Variants in PRKAR1B observed in about 807,000 individuals in gnomAD.
The protein encoded by PRKAR1B is cAMP-dependent protein kinase type I-beta regulatory subunit.
PRKAR1B carries 22 observed loss-of-function variants against 46.5 expected under a neutral mutation model. The ratio of observed to expected loss-of-function variants is 0.47; its 90% confidence interval spans 0.34 to 0.68. PRKAR1B has a LOEUF of 0.68. PRKAR1B is among the 30% of genes least tolerant of loss of function. The pLI is 0.01. For synonymous variants in PRKAR1B, 259 were observed against 217.7 expected (o/e 1.19, Z -1.67); for missense variants, 445 against 535.6 (o/e 0.83, Z 1.67).
chr7:624,080 T>G (rs540747154), intron 4 of PRKAR1B, among the ~76,000 whole-genome samples: 1 of 152,278 alleles, frequency 6.6e-6, no homozygotes, highest in South Asian at 2.1e-4. Flanking sequence ...CAGAATCCAC[T>G]TTGGATGAAG....
At position 725,721 on chromosome 7, in the gene PRKAR1B, T is replaced by C. The variant is rs187157542; in HGVS notation, c.-23+1489A>G. Among the ~76,000 whole-genome samples, 914 of 152,334 alleles carry C rather than the reference T, an allele frequency of 6.0e-3. 3 individuals carry two copies. The highest frequency in any genetic ancestry group is 9.3e-3 in the Non-Finnish European group (635 of 68,030). On this transcript the variant is annotated intron_variant, in intron 1 of 10. Transcript: ENST00000537384. ...AGATTAGAAATTGTGGTTTGAGTCA[T>C]GCAGCTAGAGGCCACAAGATTCCAA...
In PRKAR1B at chr7:551,415, C is replaced by T. The variant is rs866388676; in HGVS notation, c.947G>A (p.Gly316Glu). The T allele has an allele frequency of 1.3e-6, 2 of 1,559,850 alleles. No individual in the cohort carries two copies. Among genetic ancestry groups the T allele is most frequent in the Admixed American group, 1.9e-5 (1 of 51,552 alleles). Residue 316 changes from glycine to glutamate, a missense_variant, in exon 10 of 11, where the codon GGG becomes GAG. By Grantham distance (98) the Gly-to-Glu change is moderately conservative (BLOSUM62 -2). Transcript: ENST00000537384. ...RSPNEEYVEVGRLGPSDYFGE... is the reference protein window; with the variant it reads ...RSPNEEYVEVERLGPSDYFGE... ...GAAGTAGTCAGAGGGTCCCAGGCGCCCCACCTCCACGTACTCCTCATTGGG... is the reference window on the plus strand; with the variant it reads ...GAAGTAGTCAGAGGGTCCCAGGCGCTCCACCTCCACGTACTCCTCATTGGG...
At chr7:608,334 G>A (rs2128465920) in intron 4 of PRKAR1B, 1 of 152,268 alleles carries the variant, frequency 6.6e-6, no homozygotes, top group East Asian at 1.9e-4. Flanking sequence ...ACTTAAAAAG[G>A]AGATTCTTGG....
At chr7:698,924 T>C (rs1048081452) in intron 2 of PRKAR1B, among the ~76,000 whole-genome samples, 1 of 152,168 alleles carries the variant, frequency 6.6e-6, no homozygotes, top group Non-Finnish European at 1.5e-5. Context: ...CAGCAGCAGC[T>C]GGTGATTCAG....
chr7:726,713 C>G (rs952340129), intron 1 of PRKAR1B: 1 of 1,238,562 alleles, frequency 8.1e-7, no homozygotes, highest in East Asian at 3.2e-5. Context: ...ACCGGCGACG[C>G]GGGCAAGATG....
intron 9 of PRKAR1B, among the ~76,000 whole-genome samples, chr7:567,561 T>G (rs904472419): frequency 8.0e-6 from 1 of 124,668 alleles, no homozygotes; most frequent in African/African-American, 2.7e-5. Context: ...CACCATCACC[T>G]TCATCACCAT....
intron 4 of PRKAR1B, among the ~76,000 whole-genome samples, chr7:614,390 C>T: frequency 6.6e-6 from 1 of 152,228 alleles, no homozygotes. Flanking sequence ...TACATCCCCT[C>T]CTCTGAACTT....
At chr7:643,684 T>C (rs1046833144) in intron 4 of PRKAR1B, among the ~76,000 whole-genome samples, 27 of 151,148 alleles carry the variant, frequency 1.8e-4, no homozygotes, top group East Asian at 3.9e-4. Flanking sequence ...ATTGCGCCAC[T>C]GCACTCCAGC....
chr7:675,878 G>A (rs911345687), intron 4 of PRKAR1B, among the ~76,000 whole-genome samples: 6 of 152,108 alleles, frequency 3.9e-5, no homozygotes, highest in Admixed American at 6.6e-5. Context: ...CCCAGGTGGC[G>A]GAGGTTGAAG....
intron 9 of PRKAR1B, among the ~76,000 whole-genome samples, chr7:557,646 C>T (rs557117574): frequency 8.3e-4 from 126 of 152,264 alleles, no homozygotes; most frequent in Non-Finnish European, 1.5e-3. Context: ...CATGGGCGGC[C>T]GCCGCAACCA....
chr7:634,899 CAA>C (rs2128481213), intron 4 of PRKAR1B, among the ~76,000 whole-genome samples: 1 of 152,258 alleles, frequency 6.6e-6, no homozygotes, highest in South Asian at 2.1e-4. Context: ...CTCAGCCTCC[CAA>C]AGTGCTGGGA....
intron 4 of PRKAR1B, among the ~76,000 whole-genome samples, chr7:645,968 G>A (rs1784600645): frequency 6.6e-6 from 1 of 152,192 alleles, no homozygotes; most frequent in Non-Finnish European, 1.5e-5. Context: ...GTCCAAGTGT[G>A]CACCTGACCC....
Position 677,225 on chromosome 7 carries a change from C to G in PRKAR1B, c.440+4G>C, listed in dbSNP as rs755061485. ...ATGCCGGGGCAGGGGACGAGTCTGC[C>G]TACCTCCTCTCGTTGTCATCCAGGT... On this transcript the variant is annotated splice_donor_region_variant and intron_variant, in intron 4 of 10. Coordinates refer to ENST00000537384, the MANE Select transcript of PRKAR1B (RefSeq NM_001164760.2). The G allele has an allele frequency of 1.9e-6, 3 of 1,614,158 alleles. No individual in the cohort carries two copies. The East Asian group carries it at 6.7e-5, about 36-fold the overall frequency.
At position 666,720 on chromosome 7, in the gene PRKAR1B, G is replaced by A. The variant is rs533184928; in HGVS notation, c.440+10509C>T. 4.6e-5 allele frequency among the ~76,000 whole-genome samples: 7 copies of A among 152,340 alleles called. No individual in the cohort carries two copies. In the South Asian group the frequency reaches 1.0e-3, roughly 23 times the overall value. ...CTGTGGGTGCTGGGAGGCCCGGAGC[G>A]GCCTATTCACCAACTCAGGCCCAGG... On this transcript the variant is annotated intron_variant, in intron 4 of 10. Transcript: ENST00000537384. This position sits in a 1 kb window ranked among gnomAD's most constrained non-coding sequence, Gnocchi z 4.9.
At chr7:615,556 G>A (rs1782756349) in intron 4 of PRKAR1B, among the ~76,000 whole-genome samples, 1 of 151,572 alleles carries the variant, frequency 6.6e-6, no homozygotes, top group African/African-American at 2.4e-5. Flanking sequence ...AAAGAAAGAA[G>A]GCCGGGTGCG....
intron 4 of PRKAR1B, among the ~76,000 whole-genome samples, chr7:645,632 G>T (rs2128487224): frequency 6.6e-6 from 1 of 152,262 alleles, no homozygotes; most frequent in South Asian, 2.1e-4. Flanking sequence ...CTGTTTCTCT[G>T]AAGCTGTTCA....
At chr7:659,650 C>G (rs1427365694) in intron 4 of PRKAR1B, among the ~76,000 whole-genome samples, 1 of 152,222 alleles carries the variant, frequency 6.6e-6, no homozygotes, top group Non-Finnish European at 1.5e-5. Context: ...ACCGGCAGGA[C>G]AGCAAGAGGC....
intron 4 of PRKAR1B, among the ~76,000 whole-genome samples, chr7:634,974 A>C (rs1025294079): frequency 2.0e-5 from 3 of 152,222 alleles, no homozygotes; most frequent in Admixed American, 2.0e-4. Flanking sequence ...AATAATAAAA[A>C]GAGTAAAAAT....
At chr7:588,584 A>AGTGGTG (rs1491527327) in intron 7 of PRKAR1B, among the ~76,000 whole-genome samples, 1 of 77,582 alleles carries the variant, frequency 1.3e-5, no homozygotes, top group African/African-American at 6.1e-5. Context: ...GGATAGTGAC[A>AGTGGTG]GTGGTGATGA....
Sources: gnomAD v4.1 joint callset for allele counts (sites outside exome capture counted in the v4.1 genomes callset) on GRCh38, gnomAD v4.1.1 for gene constraint, Gnocchi (gnomAD v3.1) non-coding constraint, MANE v1.5 for transcripts, NCBI Gene and HGNC (gene_info 2026-07-23, HGNC 2026-07-21) for gene names.